Variants in DAG1 observed in about 807,000 individuals in gnomAD.
The protein encoded by DAG1 is dystroglycan 1.
In DAG1, 8 loss-of-function variants were observed where a neutral mutation model predicts 46.1. The observed-to-expected ratio is 0.17, with a 90% confidence interval of 0.10 to 0.31. The LOEUF is 0.31. DAG1 is among the 10% of genes least tolerant of loss of function. The pLI, the probability that DAG1 is intolerant of heterozygous loss-of-function variation, is 1.00. For synonymous variants in DAG1, 495 were observed against 481.8 expected (o/e 1.03, Z -0.36); for missense variants, 1,003 against 1,189.9 (o/e 0.84, Z 2.31).
rs1321272783 is a variant in DAG1, at chr3:49,514,132, A to T, written c.285+3313A>T. Among the ~76,000 whole-genome samples, 4 of 152,298 alleles carry T rather than the reference A, an allele frequency of 2.6e-5. No homozygotes were observed. The South Asian group carries it at 8.3e-4, about 32-fold the overall frequency. ...TGATGAGCTTGTAGAAAAACAGATGAAGATGTGTGACTCTTCGTTCCAGTC... is the reference window on the plus strand; with the variant it reads ...TGATGAGCTTGTAGAAAAACAGATGTAGATGTGTGACTCTTCGTTCCAGTC... On this transcript the variant is annotated intron_variant, in intron 2 of 2. Transcript: ENST00000308775.
Position 49,532,122 on chromosome 3 carries a change from C to T in DAG1, c.1611C>T (p.Thr537=), listed in dbSNP as rs371068449. The T allele has an allele frequency of 6.2e-7, 1 of 1,614,226 alleles. No homozygotes were observed. Among genetic ancestry groups the T allele is most frequent in the East Asian group, 2.2e-5 (1 of 44,880 alleles). The change falls in exon 3 of 3, where the codon ACC becomes ACT. Residue 537 remains threonine, a synonymous_variant. Coordinates refer to ENST00000308775, the MANE Select transcript of DAG1 (RefSeq NM_004393.6). The surrounding 1 kb of genome is among the most constrained non-coding windows in gnomAD (Gnocchi z 5.4). ...EDTTTDKLKL[T]LKLREQQLVG... ...CCACCACTGACAAGCTGAAGCTGAC[C>T]CTGAAACTGCGGGAGCAGCAGCTGG...
intron 1 of DAG1, among the ~76,000 whole-genome samples, chr3:49,507,304 T>C (rs954005074): frequency 6.6e-6 from 1 of 152,244 alleles, no homozygotes; most frequent in African/African-American, 2.4e-5. Context: ...GGCTCACACC[T>C]GTAATCCCAG....
At chr3:49,481,716 A>G (rs1298250311) in intron 1 of DAG1, among the ~76,000 whole-genome samples, 1 of 152,114 alleles carries the variant, frequency 6.6e-6, no homozygotes, top group African/African-American at 2.4e-5. Context: ...TTGGAAGGAT[A>G]TGTCGTATTC....
At chr3:49,523,493 T>A (rs780787770) in intron 2 of DAG1, among the ~76,000 whole-genome samples, 1 of 152,228 alleles carries the variant, frequency 6.6e-6, no homozygotes, top group Non-Finnish European at 1.5e-5. Flanking sequence ...GGTAGACAAG[T>A]GTTGACAGGC....
chr3:49,517,239 C>T (rs1264300911), intron 2 of DAG1, among the ~76,000 whole-genome samples: 3 of 151,834 alleles, frequency 2.0e-5, no homozygotes, highest in Non-Finnish European at 4.4e-5. Context: ...GTGGTCCGCC[C>T]GCCTCGGCCT....
At position 49,532,580 on chromosome 3, in the gene DAG1, C is replaced by T. The variant is rs775896527; in HGVS notation, c.2069C>T (p.Pro690Leu). 1.8e-5 allele frequency: 29 copies of T among 1,612,160 alleles called. No individual in the cohort carries two copies. The highest frequency in any genetic ancestry group is 2.2e-5 in the Non-Finnish European group (26 of 1,178,562). ...GCTGAGGATGATGGAAAACCTCGGCCTGCCTTCTCCAACGCCCTAGAGCCT... is the reference window on the plus strand; with the variant it reads ...GCTGAGGATGATGGAAAACCTCGGCTTGCCTTCTCCAACGCCCTAGAGCCT... The part of the protein sequence containing the change: ...RIAEDDGKPR[P>L]AFSNALEPDF... Residue 690 changes from proline to leucine, a missense_variant, in exon 3 of 3, where the codon CCT becomes CTT. Around this residue, in one of 3 missense-constraint regions of DAG1, gnomAD observed 755 missense variants for 854.1 expected, o/e 0.88. Coordinates refer to ENST00000308775, the MANE Select transcript of DAG1 (RefSeq NM_004393.6). This position sits in a 1 kb window ranked among gnomAD's most constrained non-coding sequence, Gnocchi z 5.4.
chr3:49,517,624 G>C (rs1350298318), intron 2 of DAG1, among the ~76,000 whole-genome samples: 1 of 152,170 alleles, frequency 6.6e-6, no homozygotes, highest in Non-Finnish European at 1.5e-5. Context: ...CTAAGTAAAT[G>C]GCTGGTTTAC....
intron 1 of DAG1, among the ~76,000 whole-genome samples, chr3:49,501,349 C>T (rs2050444156): frequency 6.6e-6 from 1 of 152,004 alleles, no homozygotes; most frequent in African/African-American, 2.4e-5. Context: ...TGGGAAGAAC[C>T]TGAAAAAAAG....
rs368496006 is a variant in DAG1, at chr3:49,491,476, AT to A, written c.-116-18933del. Among the ~76,000 whole-genome samples the A allele has an allele frequency of 7.1e-3, 1,046 of 146,414 alleles. 8 individuals carry two copies. The highest frequency in any genetic ancestry group is 0.025 in the African/African-American group (994 of 39,898). ...TAGGCACCTGCCACTATGTCCTGCT[AT>A]TTTTTTTTTCTTTTTTTTGAGACGG... On this transcript the variant is annotated intron_variant, in intron 1 of 2. Transcript: ENST00000308775.
At chr3:49,504,981 T>TTC (rs1328049677) in intron 1 of DAG1, among the ~76,000 whole-genome samples, 2 of 150,578 alleles carry the variant, frequency 1.3e-5, no homozygotes, top group Non-Finnish European at 3.0e-5. Context: ...CTTTTTTTTT[T>TTC]TTTTTAATTT....
intron 1 of DAG1, among the ~76,000 whole-genome samples, chr3:49,489,694 CAA>C (rs148986544): frequency 0.011 from 1,749 of 152,220 alleles, 32 homozygotes; most frequent in African/African-American, 0.041. Flanking sequence ...CATTATAACC[CAA>C]GTCACTTTTA....
chr3:49,469,665 A>G (rs2049454674), upstream of DAG1, among the ~76,000 whole-genome samples: 1 of 152,152 alleles, frequency 6.6e-6, no homozygotes, highest in East Asian at 1.9e-4. Flanking sequence ...GAGATGAGCT[A>G]GCTTCCCGCT....
chr3:49,477,107 C>T lies in DAG1; in HGVS notation c.-117+6674C>T, dbSNP rs560747605. Reference sequence around the variant, plus strand: ...TTGCCTCCCGGGTTCAAGCAATTCTCCTGCCTCAGCCTCCCAAGTAGCTGG... The same window carrying T: ...TTGCCTCCCGGGTTCAAGCAATTCTTCTGCCTCAGCCTCCCAAGTAGCTGG... On this transcript the variant is annotated intron_variant, in intron 1 of 2. Transcript: ENST00000308775. Among the ~76,000 whole-genome samples, 296 of 152,050 alleles carry T rather than the reference C, an allele frequency of 1.9e-3. 1 individual carries two copies. Among genetic ancestry groups the T allele is most frequent in the African/African-American group, 6.8e-3 (280 of 41,470 alleles).
rs777835889 is a variant in DAG1 at position 49,532,923 on chromosome 3, G to A, written c.2412G>A (p.Leu804=). 2 of 1,614,082 alleles carry A rather than the reference G, an allele frequency of 1.2e-6. No individual in the cohort carries two copies. The highest frequency in any genetic ancestry group is 1.7e-5 in the Admixed American group (1 of 60,024). The part of the protein sequence containing the change: ...KGVPIIFADE[L]DDSKPPPSSS... ...TGCCTATCATCTTTGCAGACGAACT[G>A]GACGACTCCAAGCCCCCACCCTCCT... Residue 804 remains leucine (L), a synonymous_variant, in exon 3 of 3, where the codon CTG becomes CTA. Transcript: ENST00000308775. This position sits in a 1 kb window ranked among gnomAD's most constrained non-coding sequence, Gnocchi z 5.4.
At chr3:49,478,324 C>T (rs1367068174) in intron 1 of DAG1, among the ~76,000 whole-genome samples, 8 of 146,648 alleles carry the variant, frequency 5.5e-5, no homozygotes, top group South Asian at 2.2e-4. Context: ...AAAAGGAGCC[C>T]GATCTCATGC....
chr3:49,474,782 CT>C (rs1030152994), intron 1 of DAG1, among the ~76,000 whole-genome samples: 1 of 149,294 alleles, frequency 6.7e-6, no homozygotes, highest in Non-Finnish European at 1.5e-5. Context: ...CATGCCTGGC[CT>C]TTTTTTTAAA....
At chr3:49,525,238 C>T (rs1183809281) in intron 2 of DAG1, among the ~76,000 whole-genome samples, 1 of 152,156 alleles carries the variant, frequency 6.6e-6, no homozygotes, top group Non-Finnish European at 1.5e-5. Flanking sequence ...AGACACCTGT[C>T]CTGCAGCCAG....
chr3:49,490,365 G>GTTT (rs367871714), intron 1 of DAG1, among the ~76,000 whole-genome samples: 1 of 142,528 alleles, frequency 7.0e-6, no homozygotes, highest in Non-Finnish European at 1.5e-5. Flanking sequence ...AAAAAAAAAA[G>GTTT]TTTTTTTTTT....
chr3:49,513,176 T>G (rs1411030693), intron 2 of DAG1, among the ~76,000 whole-genome samples: 1 of 152,080 alleles, frequency 6.6e-6, no homozygotes, highest in African/African-American at 2.4e-5. Flanking sequence ...GGGAATTCAC[T>G]TCTAAGTTGG....
Sources: gnomAD v4.1 joint callset for allele counts (sites outside exome capture counted in the v4.1 genomes callset) on GRCh38, gnomAD v4.1.1 for gene constraint, gnomAD v4.1.1 regional missense constraint, Gnocchi (gnomAD v3.1) non-coding constraint, MANE v1.5 for transcripts, NCBI Gene and HGNC (gene_info 2026-07-23, HGNC 2026-07-21) for gene names.